Variants in ERCC8 observed in about 807,000 individuals in gnomAD.
ERCC8 encodes DNA excision repair protein ERCC-8.
In ERCC8, 52 loss-of-function variants were observed where a neutral mutation model predicts 54.9. The observed-to-expected ratio is 0.95, with a 90% CI of 0.76 to 1.19. The LOEUF is 1.19. Ranked by LOEUF, ERCC8 falls within the 50% of genes most tolerant of loss-of-function variation. The pLI, the probability that ERCC8 is intolerant of heterozygous loss-of-function variation, is 0.00. For synonymous variants in ERCC8, 146 were observed against 157.2 expected (o/e 0.93, Z 0.53); for missense variants, 514 against 466.1 (o/e 1.10, Z -0.95).
chr5:60,934,805 A>G (rs781376884), intron 1 of ERCC8, among the ~76,000 whole-genome samples: 10 of 152,196 alleles, frequency 6.6e-5, no homozygotes, highest in Non-Finnish European at 1.2e-4. Context: ...TCCCAGGACT[A>G]TTTGTTGAAT....
intron 11 of ERCC8, among the ~76,000 whole-genome samples, chr5:60,877,547 T>A (rs1748052246): frequency 6.6e-6 from 1 of 152,344 alleles, no homozygotes; most frequent in Admixed American, 6.5e-5. Context: ...CTCTTTTATT[T>A]CCTTGAGCAG....
intron 2 of ERCC8, among the ~76,000 whole-genome samples, chr5:60,924,729 CCT>C (rs1749699493): frequency 6.6e-6 from 1 of 151,084 alleles, no homozygotes; most frequent in African/African-American, 2.4e-5. Flanking sequence ...GAATTATTTT[CCT>C]CTGTTCATTT....
chr5:60,907,011 C>A (rs1211266443), intron 4 of ERCC8, among the ~76,000 whole-genome samples: 2 of 152,120 alleles, frequency 1.3e-5, no homozygotes, highest in Non-Finnish European at 2.9e-5. Flanking sequence ...GCCCATGAGC[C>A]CAGACTTAGC....
At position 60,945,044 on chromosome 5, in the gene ERCC8, G is replaced by C; in HGVS notation, c.-36C>G. On this transcript the variant is annotated 5_prime_UTR_variant, in exon 1 of 12. Coordinates refer to ENST00000676185, the MANE Select transcript of ERCC8 (RefSeq NM_000082.4). ...CACACCGGCTGGAGCACTGGACGTC[G>C]CCATGACAGAGCTCAGGGGCGGGAC... The C allele has an allele frequency of 3.8e-6, 6 of 1,575,862 alleles. No individual in the cohort carries two copies. The highest frequency in any genetic ancestry group is 5.2e-6 in the Non-Finnish European group (6 of 1,145,124).
intron 4 of ERCC8, among the ~76,000 whole-genome samples, chr5:60,914,221 A>T (rs1281491405): frequency 6.6e-6 from 1 of 151,964 alleles, no homozygotes; most frequent in Non-Finnish European, 1.5e-5. Context: ...ATTGTGTGGG[A>T]GTCTAAGTCT....
chr5:60,938,574 G>A (rs566806285), intron 1 of ERCC8, among the ~76,000 whole-genome samples: 6 of 151,844 alleles, frequency 4.0e-5, no homozygotes, highest in East Asian at 3.9e-4. Flanking sequence ...CGCTGGTCTC[G>A]AACTCCTGAC....
chr5:60,893,104 T>G (rs1748614865), intron 9 of ERCC8: 2 of 773,966 alleles, frequency 2.6e-6, no homozygotes, highest in Admixed American at 1.8e-5. Context: ...ACCAGCTTCT[T>G]GTTGCCTTCT....
At chr5:60,942,738 T>C (rs887711447) in intron 1 of ERCC8, among the ~76,000 whole-genome samples, 5 of 152,186 alleles carry the variant, frequency 3.3e-5, no homozygotes, top group Non-Finnish European at 7.3e-5. Flanking sequence ...AAAGTAAATA[T>C]ATGTCAAAAT....
chr5:60,935,619 C>A (rs2112541509), intron 1 of ERCC8, among the ~76,000 whole-genome samples: 1 of 152,254 alleles, frequency 6.6e-6, no homozygotes, highest in Admixed American at 6.5e-5. Flanking sequence ...TGTTTCAGTT[C>A]TCAGGGGGAA....
intron 1 of ERCC8, among the ~76,000 whole-genome samples, chr5:60,932,966 T>A (rs1356385699): frequency 5.9e-5 from 9 of 152,110 alleles, no homozygotes; most frequent in Non-Finnish European, 1.5e-5. Context: ...CTTTCCAATC[T>A]CTTTTTTATA....
intron 11 of ERCC8, among the ~76,000 whole-genome samples, chr5:60,878,016 G>A (rs1045106055): frequency 6.6e-6 from 1 of 152,132 alleles, no homozygotes; most frequent in African/African-American, 2.4e-5. Context: ...GTTTGTCATA[G>A]ATAGCTCTTG....
chr5:60,889,632 C>T (rs1030442629), intron 10 of ERCC8, among the ~76,000 whole-genome samples: 3 of 152,148 alleles, frequency 2.0e-5, no homozygotes, highest in African/African-American at 4.8e-5. Context: ...TCTAGGCACA[C>T]CTATTAGAGA....
chr5:60,907,583 C>T (rs1749115958), intron 4 of ERCC8: 1 of 152,082 alleles, frequency 6.6e-6, no homozygotes, highest in Non-Finnish European at 1.5e-5. Context: ...GAGATTCCTC[C>T]CCATTTTTAA....
intron 2 of ERCC8, 69 bp downstream of exon 2, chr5:60,928,795 T>C: frequency 1.2e-6 from 1 of 857,744 alleles, no homozygotes. Flanking sequence ...ACATCATTAA[T>C]TTGAAAAAGC....
chr5:60,874,819 T>C (rs1024148829), intron 11 of ERCC8, 136 bp from the exon 12 acceptor site: 2 of 734,456 alleles, frequency 2.7e-6, no homozygotes, highest in African/African-American at 3.6e-5. Context: ...TAACTGTTAA[T>C]TTCAGAACAA....
intron 1 of ERCC8, among the ~76,000 whole-genome samples, chr5:60,937,779 T>C (rs962154969): frequency 2.2e-4 from 33 of 152,076 alleles, no homozygotes; most frequent in African/African-American, 7.5e-4. Flanking sequence ...GCAGCGGCAA[T>C]CCACTTCCTT....
intron 9 of ERCC8, chr5:60,893,115 GC>G: frequency 1.3e-6 from 1 of 778,264 alleles, no homozygotes; most frequent in South Asian, 1.4e-5. Flanking sequence ...GTTGCCTTCT[GC>G]CCATAGGATA....
chr5:60,893,966 T>G (rs1313977317), intron 9 of ERCC8, among the ~76,000 whole-genome samples: 2 of 148,274 alleles, frequency 1.3e-5, no homozygotes, highest in African/African-American at 5.0e-5. Context: ...GACCTGGTAA[T>G]TGCTCCTGGG....
intron 1 of ERCC8, among the ~76,000 whole-genome samples, chr5:60,938,479 G>A (rs946444806): frequency 2.7e-5 from 4 of 149,186 alleles, no homozygotes; most frequent in Non-Finnish European, 4.4e-5. Flanking sequence ...TCAGCCCCCC[G>A]AGTAGCTGGG....
Sources: allele counts gnomAD v4.1 joint callset (sites outside exome capture counted in the v4.1 genomes callset), GRCh38; gene constraint gnomAD v4.1.1; transcripts MANE v1.5; gene names NCBI Gene and HGNC (gene_info 2026-07-23, HGNC 2026-07-21).